Variants in LCN9 observed in about 807,000 individuals in gnomAD.
The protein encoded by LCN9 is lipocalin 9, also known as epididymal-specific lipocalin-9.
In LCN9, 22 loss-of-function variants were observed where a neutral mutation model predicts 18.5. The observed-to-expected ratio is 1.19, with a 90% CI of 0.85 to 1.70. LCN9 has a LOEUF of 1.70. Among genes scored for constraint, LCN9 ranks in the 40% most tolerant of loss-of-function variants. The pLI, the probability that LCN9 is intolerant of heterozygous loss-of-function variation, is 0.00. For missense variants in LCN9, 202 were observed against 201.3 expected (o/e 1.00, Z -0.02); for synonymous variants, 89 against 83.0 (o/e 1.07, Z -0.39).
rs1291005626 is a variant in LCN9 at position 135,665,535 on chromosome 9, A to T, written c.419-153A>T. The T allele has an allele frequency of 8.3e-6, 7 of 848,400 alleles. No individual in the cohort carries two copies. The highest frequency in any genetic ancestry group is 1.3e-5 in the Non-Finnish European group (7 of 533,712). The allele number at this position is 848,400 out of a possible 1,614,324, so 52.6% of individuals were successfully genotyped here. A position where few individuals can be genotyped will look rare whatever the true frequency, so the allele number is the denominator to read the frequency against. ...TGGGTGCTTCAATCTGTCACCTCCCATCTCACTTGGCACAAAGCCCCTCTC... is the reference window on the plus strand; with the variant it reads ...TGGGTGCTTCAATCTGTCACCTCCCTTCTCACTTGGCACAAAGCCCCTCTC... On this transcript the variant is annotated intron_variant, in intron 4 of 5. Transcript: ENST00000619315. This position sits in a 1 kb window ranked among gnomAD's most constrained non-coding sequence, Gnocchi z 5.9.
rs567397362 is a variant in LCN9 at position 135,664,211 on chromosome 9, G to A, written c.146G>A (p.Arg49Gln). The A allele has an allele frequency of 8.1e-5, 130 of 1,613,606 alleles. No homozygotes were observed. In the South Asian group the frequency reaches 8.6e-4, roughly 11 times the overall value. The change falls in exon 2 of 6, where the codon CGG becomes CAG. Residue 49 changes from arginine to glutamine, a missense_variant. Physicochemically the swap from Arg to Gln is conservative, Grantham distance 43. Transcript: ENST00000619315. The surrounding 1 kb of genome is among the most constrained non-coding windows in gnomAD (Gnocchi z 4.5). ...TTCATGGCCTCAGATGACCTGAATC[G>A]GATTAAAGAAAATGGAGACCTGAGG... is the stretch of plus-strand genomic sequence containing the variant.
At chr9:135,666,708 T>C (rs1174858640) in exon 6 of LCN9, among the ~76,000 whole-genome samples, 2 of 152,138 alleles carry the variant, frequency 1.3e-5, no homozygotes, top group Non-Finnish European at 2.9e-5. Context: ...GATGTACCTG[T>C]GGTGCGTGGT....
At chr9:135,663,401 A>G in exon 1 of LCN9, 4 of 1,613,856 alleles carry the variant, frequency 2.5e-6, no homozygotes, top group Non-Finnish European at 3.4e-6. Context: ...ATGCAGAGGA[A>G]CTACAACGTG....
At chr9:135,663,478 A>G (rs1834154000) in intron 1 of LCN9, 61 bp downstream of exon 1, 58 of 1,481,764 alleles carry the variant, frequency 3.9e-5, no homozygotes, top group Non-Finnish European at 5.3e-5. Context: ...GTCTTCCCCC[A>G]GCCTGGGGTC....
Position 135,665,908 on chromosome 9 carries a change from C to G in LCN9, c.*57C>G. On this transcript the variant is annotated 3_prime_UTR_variant, in exon 6 of 6. Transcript: ENST00000619315. The surrounding 1 kb of genome is among the most constrained non-coding windows in gnomAD (Gnocchi z 5.9). ...CAGGAGCCCGCCCAGGCCTCCCATGCGTGAGCTGCGACTCGGGACGGGCAG... is the reference window on the plus strand; with the variant it reads ...CAGGAGCCCGCCCAGGCCTCCCATGGGTGAGCTGCGACTCGGGACGGGCAG... The G allele has an allele frequency of 6.2e-7, 1 of 1,611,324 alleles. No homozygotes were observed. Among genetic ancestry groups the G allele is most frequent in the Non-Finnish European group, 8.5e-7 (1 of 1,179,236 alleles).
exon 6 of LCN9, chr9:135,666,007 C>A (rs186191410): frequency 8.1e-6 from 13 of 1,599,824 alleles, no homozygotes; most frequent in Non-Finnish European, 1.0e-5. Context: ...CCCATCCCTC[C>A]CCCTGGTCTG....
chr9:135,666,253 A>C, exon 6 of LCN9: 1 of 1,075,070 alleles, frequency 9.3e-7, no homozygotes, highest in Non-Finnish European at 1.3e-6. Flanking sequence ...TGCTCCCTCC[A>C]CCAGCTCCCG....
At position 135,664,086 on chromosome 9, in the gene LCN9, G is replaced by T; in HGVS notation, c.97-76G>T. On this transcript the variant is annotated intron_variant, in intron 1 of 5. Transcript: ENST00000619315. This position sits in a 1 kb window ranked among gnomAD's most constrained non-coding sequence, Gnocchi z 4.5. The stretch of plus-strand genomic sequence containing the variant: ...CAGATGCTAAGGGGCCGGGCCCTGG[G>T]AGGGAAGACTGTGGGCGCTAAGCAT... 1 of 1,537,058 alleles carries T rather than the reference G, an allele frequency of 6.5e-7. No homozygotes were observed.
In LCN9 at chr9:135,665,347, C is replaced by T. The variant is rs193005693; in HGVS notation, c.410C>T (p.Ala137Val). The T allele has an allele frequency of 3.3e-5, 52 of 1,596,454 alleles. No individual in the cohort carries two copies. Among genetic ancestry groups the T allele is most frequent in the Admixed American group, 6.9e-5 (4 of 57,820 alleles). ...AACGGGACCGAGACCCACACGCTGG[C>T]GCTCTATGGTACCTCCGCTGTCCCC... Residue 137 changes from alanine (A) to valine (V), a missense_variant, in exon 4 of 6, where the codon GCG (alanine) becomes GTG (valine). Physicochemically the swap from Ala to Val is moderately conservative, Grantham distance 64. Transcript: ENST00000619315. This position sits in a 1 kb window ranked among gnomAD's most constrained non-coding sequence, Gnocchi z 5.9.
rs982508914 is a variant in LCN9, at chr9:135,664,416, G to A, written c.233+118G>A. The A allele has an allele frequency of 1.2e-5, 16 of 1,349,270 alleles. No individual in the cohort carries two copies. In the African/African-American group the frequency reaches 1.4e-4, roughly 12 times the overall value. The allele number at this position is 1,349,270 out of a possible 1,614,324, so 83.6% of individuals were successfully genotyped here. A position where few individuals can be genotyped will look rare whatever the true frequency, so the allele number is the denominator to read the frequency against. On this transcript the variant is annotated intron_variant, in intron 2 of 5. Coordinates refer to ENST00000619315, the Ensembl canonical transcript of LCN9. The surrounding 1 kb of genome is among the most constrained non-coding windows in gnomAD (Gnocchi z 4.5). ...CTCACTGACTTGCACTCTGGTGAGA[G>A]CCTGAGCCTGTGCGTGTGACCCTTG...
exon 6 of LCN9, chr9:135,666,231 T>G: frequency 7.5e-7 from 1 of 1,339,282 alleles, no homozygotes. Flanking sequence ...AAACCCGAGG[T>G]CCGCAGGGCT....
chr9:135,664,181 C>G lies in LCN9; in HGVS notation c.116C>G (p.Ser39Cys), dbSNP rs1834176624. The G allele has an allele frequency of 1.2e-6, 2 of 1,610,718 alleles. No individual in the cohort carries two copies. Among genetic ancestry groups the G allele is most frequent in the African/African-American group, 1.3e-5 (1 of 74,802 alleles). Residue 39 changes from serine (S) to cysteine (C), a missense_variant, in exon 2 of 6, where the codon TCT becomes TGT. Ser to Cys is a moderately radical substitution (Grantham distance 112, BLOSUM62 -1). Coordinates refer to ENST00000619315, the Ensembl canonical transcript of LCN9. This position sits in a 1 kb window ranked among gnomAD's most constrained non-coding sequence, Gnocchi z 4.5. ...CTTCAGGTTTCAGGGGTCTGGTATT[C>G]TATTTTCATGGCCTCAGATGACCTG... is the stretch of plus-strand genomic sequence containing the variant.
chr9:135,666,084 G>A, exon 6 of LCN9: 1 of 1,599,502 alleles, frequency 6.3e-7, no homozygotes. Context: ...GGGCAGTGAT[G>A]GGGCCTTCCA....
Position 135,664,211 on chromosome 9 carries a change from G to C in LCN9, c.146G>C (p.Arg49Pro), listed in dbSNP as rs567397362. 1.5e-5 allele frequency: 24 copies of C among 1,613,488 alleles called. No individual in the cohort carries two copies. Among genetic ancestry groups the C allele is most frequent in the Non-Finnish European group, 1.8e-5 (21 of 1,179,738 alleles). Residue 49 changes from arginine (R) to proline (P), a missense_variant, in exon 2 of 6, where the codon CGG becomes CCG. By Grantham distance (103) the Arg-to-Pro change is moderately radical. Transcript: ENST00000619315. This position sits in a 1 kb window ranked among gnomAD's most constrained non-coding sequence, Gnocchi z 4.5. ...TTCATGGCCTCAGATGACCTGAATC[G>C]GATTAAAGAAAATGGAGACCTGAGG...
Position 135,665,808 on chromosome 9 carries a change from G to C in LCN9, c.*10-53G>C. 1 of 1,612,018 alleles carries C rather than the reference G, an allele frequency of 6.2e-7. No homozygotes were observed. On this transcript the variant is annotated intron_variant, in intron 5 of 5. Transcript: ENST00000619315. The surrounding 1 kb of genome is among the most constrained non-coding windows in gnomAD (Gnocchi z 5.9). ...AGCCGGGACAGGGTGGGGATGGGAG[G>C]TGTGCCTGCGGGGTCCCTGTCCCTG...
exon 6 of LCN9, among the ~76,000 whole-genome samples, chr9:135,666,814 T>C (rs1487926681): frequency 7.3e-6 from 1 of 137,272 alleles, no homozygotes; most frequent in Non-Finnish European, 1.6e-5. Context: ...CCCCTCCCTG[T>C]CCCTCCCCTC....
rs1309024783 is a variant in LCN9, at chr9:135,665,032, A to G, written c.308-213A>G. On this transcript the variant is annotated intron_variant, in intron 3 of 5. Transcript: ENST00000619315. This position sits in a 1 kb window ranked among gnomAD's most constrained non-coding sequence, Gnocchi z 5.9. The stretch of plus-strand genomic sequence containing the variant: ...GGGGTGAGCCCACTGAGGGGCCACC[A>G]GGGTCTGCAAGCCAATGACAAGGAG... Among the ~76,000 whole-genome samples the G allele has an allele frequency of 6.6e-6, 1 of 152,096 alleles. No individual in the cohort carries two copies. The highest frequency in any genetic ancestry group is 1.5e-5 in the Non-Finnish European group (1 of 67,996).
exon 6 of LCN9, among the ~76,000 whole-genome samples, chr9:135,666,915 C>A (rs142389952): frequency 2.0e-4 from 31 of 151,788 alleles, no homozygotes; most frequent in Middle Eastern, 3.2e-3. Flanking sequence ...CAGGTGCCTG[C>A]GCCCCCGCCT....
rs961250818 is a variant in LCN9 at position 135,663,510 on chromosome 9, C to T, written c.96+93C>T. The T allele has an allele frequency of 6.2e-6, 6 of 961,274 alleles. No homozygotes were observed. In the East Asian group the frequency reaches 1.9e-4, roughly 31 times the overall value. 59.5% of individuals were successfully genotyped at this position (961,274 alleles called of 1,614,324 possible). ...GGTCTCTGACCTGTGACCAGGGCAACTGGTCCAAGGGGAGCCCACCTCTCC... is the reference window on the plus strand; with the variant it reads ...GGTCTCTGACCTGTGACCAGGGCAATTGGTCCAAGGGGAGCCCACCTCTCC... On this transcript the variant is annotated intron_variant, in intron 1 of 5. Transcript: ENST00000619315.
Sources: gnomAD v4.1 joint callset for allele counts (sites outside exome capture counted in the v4.1 genomes callset) on GRCh38, gnomAD v4.1.1 for gene constraint, Gnocchi (gnomAD v3.1) non-coding constraint, MANE v1.5 for transcripts, NCBI Gene and HGNC (gene_info 2026-07-23, HGNC 2026-07-21) for gene names.